Variants in KCNK17 observed in about 807,000 individuals in gnomAD.
The protein encoded by KCNK17 is potassium two pore domain channel subfamily K member 17.
In KCNK17, 27 loss-of-function variants were observed where a neutral mutation model predicts 24.6. The observed-to-expected ratio is 1.10, with a 90% CI of 0.81 to 1.51. The LOEUF (loss-of-function observed/expected upper bound fraction) is 1.51. KCNK17 is among the 40% of genes most tolerant of loss of function. KCNK17 has a pLI of 0.00. For synonymous variants in KCNK17, 181 were observed against 189.8 expected, an observed-to-expected ratio of 0.95 and a Z score of 0.38; for missense variants, 450 against 436.6, an observed-to-expected ratio of 1.03 and a Z score of -0.27.
intron 2 of KCNK17, among the ~76,000 whole-genome samples, chr6:39,308,739 T>C (rs566446432): frequency 3.1e-4 from 47 of 152,356 alleles, no homozygotes; most frequent in Middle Eastern, 3.4e-3. Context: ...GTACTGCCCT[T>C]GCAGGGTGCT....
rs757059556 is a variant in KCNK17, at chr6:39,303,968, T to A, written c.677A>T (p.Asp226Val). The A allele has an allele frequency of 2.5e-6, 4 of 1,612,536 alleles. No individual in the cohort carries two copies. Among genetic ancestry groups the A allele is most frequent in the Non-Finnish European group, 3.4e-6 (4 of 1,179,818 alleles). Residue 226 changes from aspartate (D) to valine (V), a missense_variant, in exon 4 of 5, where the codon GAC becomes GTC. Coordinates refer to ENST00000373231, the MANE Select transcript of KCNK17 (RefSeq NM_031460.4). ...FITLSTVGFG[D>V]YVIGMNPSQR... ...CCAGGAACTCTCACCAATCACGTAG[T>A]CGCCGAAGCCCACGGTGCTGAGGGT...
Position 39,300,242 on chromosome 6 carries a change from C to A in KCNK17, c.689-505G>T, listed in dbSNP as rs540824995. 39 of 531,626 alleles carry A rather than the reference C, an allele frequency of 7.3e-5. No individual in the cohort carries two copies. The East Asian group carries it at 1.1e-3, about 16-fold the overall frequency. The allele number at this position is 531,626 out of a possible 1,614,324, so 32.9% of individuals were successfully genotyped here. A position where few individuals can be genotyped will look rare whatever the true frequency, so the allele number is the denominator to read the frequency against. Reference sequence around the variant, plus strand: ...GGTTCAAGCGATTCTCCTGCCTCAGCCTCCCGAGTAGCCGGGACTACAGGC... The same window carrying A: ...GGTTCAAGCGATTCTCCTGCCTCAGACTCCCGAGTAGCCGGGACTACAGGC... On this transcript the variant is annotated intron_variant, in intron 4 of 4. Transcript: ENST00000373231.
intron 2 of KCNK17, 47 bp downstream of exon 2, chr6:39,310,846 T>G (rs1295426115): frequency 1.5e-6 from 2 of 1,303,390 alleles, no homozygotes; most frequent in Non-Finnish European, 1.1e-6. Flanking sequence ...CTCAGGGAGC[T>G]GCCTCCTTCC....
In KCNK17 at chr6:39,314,317, A is replaced by C; in HGVS notation, c.4T>G (p.Tyr2Asp). ...GGAGCCGCCCGGGCTCGCGGTCGGT[A>C]CATAGCGGGAGAGGCGGGGAGCCGG... The part of the protein sequence containing the change: M[Y>D]RPRARAAPEG... The change falls in exon 1 of 5, where the codon TAC becomes GAC. Residue 2 changes from tyrosine (Y) to aspartate (D), a missense_variant. Physicochemically the swap from Tyr to Asp is radical, Grantham distance 160. Transcript: ENST00000373231. 7.0e-7 allele frequency: 1 copy of C among 1,424,924 alleles called. No homozygotes were observed. 88.3% of individuals were successfully genotyped at this position (1,424,924 alleles called of 1,614,324 possible).
intron 2 of KCNK17, among the ~76,000 whole-genome samples, chr6:39,305,571 T>C (rs1050250496): frequency 5.9e-5 from 9 of 152,164 alleles, no homozygotes; most frequent in Admixed American, 5.2e-4. Context: ...AAAGATTCTA[T>C]CCATCTGGAC....
intron 1 of KCNK17, among the ~76,000 whole-genome samples, chr6:39,311,611 C>T (rs1407258526): frequency 6.6e-6 from 1 of 152,096 alleles, no homozygotes; most frequent in African/African-American, 2.4e-5. Flanking sequence ...TATGTGTAGA[C>T]TTAGTACCTG....
chr6:39,306,446 G>A (rs1199442462), intron 2 of KCNK17, among the ~76,000 whole-genome samples: 6 of 152,202 alleles, frequency 3.9e-5, no homozygotes, highest in African/African-American at 1.4e-4. Flanking sequence ...AAGAATGAGT[G>A]AATGAATGAA....
intron 4 of KCNK17, among the ~76,000 whole-genome samples, chr6:39,303,252 G>A (rs1342571338): frequency 1.3e-5 from 2 of 152,208 alleles, no homozygotes; most frequent in African/African-American, 2.4e-5. Flanking sequence ...AGCCGCTTGA[G>A]GCTGGCGCGG....
At chr6:39,309,897 T>A (rs1762100902) in intron 2 of KCNK17, among the ~76,000 whole-genome samples, 1 of 152,202 alleles carries the variant, frequency 6.6e-6, no homozygotes, top group African/African-American at 2.4e-5. Context: ...CTGAGATGCC[T>A]CCCAAGCATG....
chr6:39,310,870 C>CCCCG, intron 2 of KCNK17, 23 bp downstream of exon 2: 1 of 1,433,496 alleles, frequency 7.0e-7, no homozygotes, highest in Non-Finnish European at 9.7e-7. Flanking sequence ...ACCCCCATCC[C>CCCCG]CCTGGCCCCA....
At chr6:39,305,781 T>C (rs1762025228) in intron 2 of KCNK17, among the ~76,000 whole-genome samples, 1 of 152,166 alleles carries the variant, frequency 6.6e-6, no homozygotes, top group African/African-American at 2.4e-5. Flanking sequence ...TCTAGCCACA[T>C]TGCTGGCCTG....
Position 39,304,010 on chromosome 6 carries a change from A to C in KCNK17, c.635T>G (p.Phe212Cys), listed in dbSNP as rs1175965044. The change falls in exon 4 of 5, where the codon TTC becomes TGC. Residue 212 changes from phenylalanine (F) to cysteine (C), a missense_variant. Phe to Cys is a radical substitution (Grantham distance 205). Coordinates refer to ENST00000373231, the MANE Select transcript of KCNK17 (RefSeq NM_031460.4). ...HMEGWSYTEGFYFAFITLSTV... is the reference protein window; with the variant it reads ...HMEGWSYTEGCYFAFITLSTV... ...GCTGAGGGTGATGAAGGCGAAGTAG[A>C]AGCCCTCTGTGTAGCTCCAGCCCTC... The C allele has an allele frequency of 6.2e-7, 1 of 1,613,808 alleles. No individual in the cohort carries two copies. The highest frequency in any genetic ancestry group is 1.3e-5 in the African/African-American group (1 of 74,942).
At chr6:39,312,890 A>G (rs1327036542) in intron 1 of KCNK17, among the ~76,000 whole-genome samples, 6 of 152,122 alleles carry the variant, frequency 3.9e-5, no homozygotes, top group Non-Finnish European at 7.4e-5. Context: ...CTTAGTAGAG[A>G]TAGGCCTGGC....
chr6:39,305,081 G>C (rs1242740187), intron 2 of KCNK17, among the ~76,000 whole-genome samples: 1 of 152,186 alleles, frequency 6.6e-6, no homozygotes, highest in African/African-American at 2.4e-5. Context: ...AGGCCATGCT[G>C]TCTCCACACT....
intron 4 of KCNK17, among the ~76,000 whole-genome samples, chr6:39,302,128 G>A (rs972855524): frequency 9.9e-5 from 15 of 152,156 alleles, no homozygotes; most frequent in Non-Finnish European, 2.1e-4. Context: ...GACCTGCTAC[G>A]AGGCACTGCC....
At position 39,310,878 on chromosome 6, in the gene KCNK17, C is replaced by CCCA; in HGVS notation, c.352+14_352+15insTGG. 6 of 1,531,204 alleles carry CCCA rather than the reference C, an allele frequency of 3.9e-6. No homozygotes were observed. The highest frequency in any genetic ancestry group is 1.7e-4 in the Middle Eastern group (1 of 5,722). The allele number at this position is 1,531,204 out of a possible 1,614,324, so 94.9% of individuals were successfully genotyped here. ...TTCCCCCACCCCCATCCCCCTGGCC[C>CCCA]CATCTGGCCCTTACCAATGGTGGTG... On this transcript the variant is annotated intron_variant, in intron 2 of 4. Coordinates refer to ENST00000373231, the MANE Select transcript of KCNK17 (RefSeq NM_031460.4).
At chr6:39,300,183 C>T (rs1038056827) in intron 4 of KCNK17, among the ~76,000 whole-genome samples, 12 of 152,188 alleles carry the variant, frequency 7.9e-5, no homozygotes, top group South Asian at 2.1e-4. Flanking sequence ...AGTTTAGTGG[C>T]GTGATCTCGG....
Position 39,310,879 on chromosome 6 carries a change from C to CAAA in KCNK17, c.352+13_352+14insTTT. On this transcript the variant is annotated intron_variant, in intron 2 of 4. Transcript: ENST00000373231. ...TCCCCCACCCCCATCCCCCTGGCCC[C>CAAA]ATCTGGCCCTTACCAATGGTGGTGA... 29 of 1,541,592 alleles carry CAAA rather than the reference C, an allele frequency of 1.9e-5. No individual in the cohort carries two copies. Among genetic ancestry groups the CAAA allele is most frequent in the Non-Finnish European group, 2.2e-5 (25 of 1,121,998 alleles).
chr6:39,301,388 C>T (rs1447407744), intron 4 of KCNK17, among the ~76,000 whole-genome samples: 1 of 152,248 alleles, frequency 6.6e-6, no homozygotes, highest in East Asian at 1.9e-4. Context: ...CTCCAGGTCC[C>T]CCAAGGCTGG....
Sources: gnomAD v4.1 joint callset for allele counts (sites outside exome capture counted in the v4.1 genomes callset) on GRCh38, gnomAD v4.1.1 for gene constraint, MANE v1.5 for transcripts, NCBI Gene and HGNC (gene_info 2026-07-23, HGNC 2026-07-21) for gene names.